TBC1D22A: variants seen among roughly 807,000 people sequenced by gnomAD.
TBC1D22A encodes the protein TBC1 domain family member 22A, also known as putative GTPase activator.
A neutral mutation model predicts 60.2 loss-of-function variants in TBC1D22A; 38 were observed. The observed-to-expected ratio is 0.63, with a 90% CI of 0.49 to 0.83. The LOEUF (loss-of-function observed/expected upper bound fraction) is 0.83, where lower values mean the gene tolerates loss of function less well. Among genes scored for constraint, TBC1D22A ranks in the 40% least tolerant of loss-of-function variants. The probability of loss-of-function intolerance (pLI) is 0.00; values close to 1 mark genes in which losing one functional copy is unlikely to be tolerated. For synonymous variants in TBC1D22A, 302 were observed against 281.7 expected (o/e 1.07, Z -0.72); for missense variants, 628 against 701.0 (o/e 0.90, Z 1.18).
intron 4 of TBC1D22A, among the ~76,000 whole-genome samples, chr22:46,853,290 C>T (rs753186179): frequency 1.3e-5 from 2 of 152,234 alleles, no homozygotes; most frequent in Non-Finnish European, 2.9e-5. Flanking sequence ...GACAGAGGCA[C>T]CTCTAGGATC....
intron 8 of TBC1D22A, chr22:46,914,116 TGTCA>T (rs1279156972): frequency 2.0e-5 from 3 of 152,268 alleles, no homozygotes; most frequent in African/African-American, 7.2e-5. Context: ...CATTTATTTC[TGTCA>T]GTCAACTATT....
intron 12 of TBC1D22A, among the ~76,000 whole-genome samples, chr22:47,114,223 G>A (rs2065949099): frequency 6.6e-6 from 1 of 151,834 alleles, no homozygotes; most frequent in Non-Finnish European, 1.5e-5. Context: ...ACAGGAGTCA[G>A]GCAAAGCCAC....
At chr22:47,102,271 C>T (rs1000867581) in intron 11 of TBC1D22A, among the ~76,000 whole-genome samples, 1 of 152,178 alleles carries the variant, frequency 6.6e-6, no homozygotes, top group African/African-American at 2.4e-5. Context: ...CCAGAAGTGG[C>T]CTTGCGCTAC....
At chr22:46,807,355 T>G (rs980753568) in intron 4 of TBC1D22A, among the ~76,000 whole-genome samples, 6 of 152,084 alleles carry the variant, frequency 3.9e-5, no homozygotes, top group African/African-American at 1.2e-4. Flanking sequence ...CTCTCCTGCT[T>G]GTCGGTGTTG....
chr22:46,852,084 C>T (rs551547062), intron 4 of TBC1D22A, among the ~76,000 whole-genome samples: 2 of 152,284 alleles, frequency 1.3e-5, no homozygotes, highest in Admixed American at 6.5e-5. Context: ...CTGTACAGCT[C>T]TGGTGGTTTC....
At chr22:47,169,952 T>C (rs972522769) in intron 12 of TBC1D22A, among the ~76,000 whole-genome samples, 1 of 152,248 alleles carries the variant, frequency 6.6e-6, no homozygotes, top group African/African-American at 2.4e-5. Flanking sequence ...TGTCCCTGAA[T>C]GTGACCGAGG....
chr22:47,078,307 G>A lies in TBC1D22A; in HGVS notation c.1330-33201G>A, dbSNP rs538610391. Reference sequence around the variant, plus strand: ...GTGTCACCTCTCTCCCTGGATGGACGTGAGTATGTTTCAATCTATACTGTA... The same window carrying A: ...GTGTCACCTCTCTCCCTGGATGGACATGAGTATGTTTCAATCTATACTGTA... On this transcript the variant is annotated intron_variant, in intron 11 of 12. Transcript: ENST00000337137. 2.7e-4 allele frequency among the ~76,000 whole-genome samples: 41 copies of A among 152,318 alleles called. 1 individual carries two copies. The South Asian group carries it at 8.5e-3, about 32-fold the overall frequency.
intron 11 of TBC1D22A, among the ~76,000 whole-genome samples, chr22:47,083,923 G>A (rs993594025): frequency 1.3e-5 from 2 of 152,198 alleles, no homozygotes; most frequent in Admixed American, 6.5e-5. Context: ...CCCCAGGCAT[G>A]CGGAAATGCA....
At chr22:47,171,336 C>T (rs938164420) in intron 12 of TBC1D22A, among the ~76,000 whole-genome samples, 2 of 152,194 alleles carry the variant, frequency 1.3e-5, no homozygotes, top group African/African-American at 4.8e-5. Flanking sequence ...AGGGCAGTTC[C>T]AGCACCCTGA....
chr22:46,972,549 C>T (rs78250394), intron 8 of TBC1D22A, among the ~76,000 whole-genome samples: 2,812 of 152,268 alleles, frequency 0.018, 58 homozygotes, highest in Non-Finnish European at 0.025. Flanking sequence ...CACAGAGGGC[C>T]GCAGAGCCTG....
chr22:46,788,567 C>A (rs1156864735), intron 1 of TBC1D22A, among the ~76,000 whole-genome samples: 1 of 152,056 alleles, frequency 6.6e-6, no homozygotes, highest in Non-Finnish European at 1.5e-5. Flanking sequence ...CCAGCACCAG[C>A]CCCACTGGGA....
rs148536834 is a variant in TBC1D22A, at chr22:46,947,146, G to A, written c.1016-27144G>A. 4.6e-5 allele frequency among the ~76,000 whole-genome samples: 7 copies of A among 152,098 alleles called. No individual in the cohort carries two copies. In the East Asian group the frequency reaches 1.2e-3, roughly 25 times the overall value. ...GCCTCTCTGAAGAGTGCTGTGAATC[G>A]GTAGAAAGAAATGCTAATAGGTCCC... On this transcript the variant is annotated intron_variant, in intron 8 of 12. Coordinates refer to ENST00000337137, the MANE Select transcript of TBC1D22A (RefSeq NM_014346.5).
chr22:47,051,911 A>T (rs184880960), intron 11 of TBC1D22A, among the ~76,000 whole-genome samples: 23 of 152,382 alleles, frequency 1.5e-4, no homozygotes, highest in African/African-American at 5.3e-4. Context: ...AAAGGCGGTC[A>T]CTGTGCGGAG....
At chr22:46,975,870 G>A (rs928698082) in intron 9 of TBC1D22A, among the ~76,000 whole-genome samples, 3 of 152,190 alleles carry the variant, frequency 2.0e-5, no homozygotes, top group African/African-American at 4.8e-5. Flanking sequence ...CCTGTTGTGC[G>A]GTTGGAGAAT....
chr22:47,141,210 C>T (rs890052898), intron 12 of TBC1D22A, among the ~76,000 whole-genome samples: 19 of 152,086 alleles, frequency 1.2e-4, no homozygotes, highest in Non-Finnish European at 2.5e-4. Context: ...CTGGGAAAGA[C>T]CCACCTCCAT....
At position 47,009,671 on chromosome 22, in the gene TBC1D22A, TATCACCAGCATCATTTCATCACC is replaced by T. The variant is rs974148284; in HGVS notation, c.1201+11970_1201+11992del. 2.3e-4 allele frequency among the ~76,000 whole-genome samples: 35 copies of T among 150,882 alleles called. No individual in the cohort carries two copies. The highest frequency in any genetic ancestry group is 4.7e-4 in the Non-Finnish European group (32 of 67,710). On this transcript the variant is annotated intron_variant, in intron 10 of 12. Coordinates refer to ENST00000337137, the MANE Select transcript of TBC1D22A (RefSeq NM_014346.5). This position sits in a 1 kb window ranked among gnomAD's most constrained non-coding sequence, Gnocchi z 5.8. ...TTACCATCATCACCATCATCATCAC[TATCACCAGCATCATTTCATCACC>T]ATCACCACCACCATCATCATCACTA... is the stretch of plus-strand genomic sequence containing the variant.
intron 1 of TBC1D22A, among the ~76,000 whole-genome samples, chr22:46,765,663 C>T (rs983363330): frequency 5.9e-5 from 9 of 151,936 alleles, no homozygotes; most frequent in Non-Finnish European, 1.0e-4. Context: ...GATGGGGTTT[C>T]GCCATGTCGG....
At chr22:47,117,347 C>G (rs920313471) in intron 12 of TBC1D22A, 1 of 133,992 alleles carries the variant, frequency 7.5e-6, no homozygotes, top group Non-Finnish European at 1.6e-5. Flanking sequence ...ACCGTGGCAT[C>G]GAGCAGGGAG....
At chr22:47,030,365 G>T (rs1026998587) in intron 10 of TBC1D22A, among the ~76,000 whole-genome samples, 2 of 152,176 alleles carry the variant, frequency 1.3e-5, no homozygotes, top group Non-Finnish European at 1.5e-5. Context: ...AATGGGATAC[G>T]TGTTTTTTCC....
Sources: gnomAD v4.1 joint callset for allele counts (sites outside exome capture counted in the v4.1 genomes callset) on GRCh38, gnomAD v4.1.1 for gene constraint, Gnocchi (gnomAD v3.1) non-coding constraint, MANE v1.5 for transcripts, NCBI Gene and HGNC (gene_info 2026-07-23, HGNC 2026-07-21) for gene names.